ROCK1: variants seen among roughly 807,000 people sequenced by gnomAD.
The protein encoded by ROCK1 is rho-associated protein kinase 1.
A neutral mutation model predicts 196.8 loss-of-function variants in ROCK1; 36 were observed. The observed-to-expected ratio is 0.18, with a 90% confidence interval of 0.14 to 0.24. ROCK1 has a LOEUF of 0.24. ROCK1 is among the 10% of genes least tolerant of loss of function. ROCK1 has a pLI of 1.00. For missense variants in ROCK1, 920 were observed against 1,562.0 expected, an observed-to-expected ratio of 0.59 and a Z score of 6.93; for synonymous variants, 443 against 515.9, an observed-to-expected ratio of 0.86 and a Z score of 1.91.
chr18:21,030,239 C>T (rs927065802), intron 9 of ROCK1, among the ~76,000 whole-genome samples: 1 of 152,110 alleles, frequency 6.6e-6, no homozygotes, highest in Non-Finnish European at 1.5e-5. Flanking sequence ...ATGGTCTTGG[C>T]ATACATTTTA....
chr18:21,054,819 C>T (rs1236152704), intron 2 of ROCK1, among the ~76,000 whole-genome samples: 1 of 152,148 alleles, frequency 6.6e-6, no homozygotes, highest in Non-Finnish European at 1.5e-5. Context: ...TCACTCATTT[C>T]CATGGTCATA....
chr18:21,094,390 G>A (rs1403232745), intron 1 of ROCK1, among the ~76,000 whole-genome samples: 3 of 151,962 alleles, frequency 2.0e-5, no homozygotes, highest in African/African-American at 7.3e-5. Context: ...AATATATAAG[G>A]AGCTCAAACA....
At chr18:21,029,476 C>G (rs1022667206) in intron 9 of ROCK1, among the ~76,000 whole-genome samples, 1 of 152,068 alleles carries the variant, frequency 6.6e-6, no homozygotes, top group Non-Finnish European at 1.5e-5. Flanking sequence ...CCCAATATCT[C>G]CATAAGATTA....
intron 2 of ROCK1, among the ~76,000 whole-genome samples, chr18:21,070,026 A>G (rs2036370328): frequency 6.6e-6 from 1 of 152,014 alleles, no homozygotes; most frequent in Admixed American, 6.6e-5. Context: ...ACCAAAACCA[A>G]TCAAACTTAC....
chr18:20,982,651 G>T, intron 21 of ROCK1, 112 bp downstream of exon 21: 1 of 570,800 alleles, frequency 1.8e-6, no homozygotes, highest in South Asian at 2.4e-5. Context: ...ATGTTTATTA[G>T]AAGATGAAGA....
chr18:21,013,683 A>T (rs191196361), intron 13 of ROCK1, among the ~76,000 whole-genome samples: 62 of 152,196 alleles, frequency 4.1e-4, no homozygotes, highest in African/African-American at 1.5e-3. Flanking sequence ...ACCTTCTCTG[A>T]CACTATTCTA....
At chr18:21,063,787 T>C (rs2036311547) in intron 2 of ROCK1, among the ~76,000 whole-genome samples, 1 of 152,204 alleles carries the variant, frequency 6.6e-6, no homozygotes, top group Non-Finnish European at 1.5e-5. Context: ...AATAGTTGTG[T>C]TGGAAAAAGA....
In ROCK1 at chr18:21,015,601, A is replaced by T. The variant is rs2035855620; in HGVS notation, c.1362-122T>A. ...TTTGTATCCTTTCTTGGTGCCATGG[A>T]TCTCTTTGGCAGTCAAGTGAAGCCT... On this transcript the variant is annotated intron_variant, in intron 12 of 32. Transcript: ENST00000399799. 5.9e-6 allele frequency: 4 copies of T among 681,478 alleles called. No homozygotes were observed. In the East Asian group the frequency reaches 1.1e-4, roughly 19 times the overall value. 42.2% of individuals were successfully genotyped at this position (681,478 alleles called of 1,614,324 possible). A position where few individuals can be genotyped will look rare whatever the true frequency, so the allele number is the denominator to read the frequency against.
chr18:21,042,289 CA>C lies in ROCK1; in HGVS notation c.821-55del, dbSNP rs372153186. On this transcript the variant is annotated intron_variant, in intron 7 of 32. Coordinates refer to ENST00000399799, the MANE Select transcript of ROCK1 (RefSeq NM_005406.3). ...AAAATGAAATACATTTTTAAAAAGT[CA>C]GTTTCAAAGGAAGAGTCAAAGTTAC... 569 of 1,469,808 alleles carry C rather than the reference CA, an allele frequency of 3.9e-4. 3 individuals carry two copies. The African/African-American group carries it at 7.6e-3, about 20-fold the overall frequency. The allele number at this position is 1,469,808 out of a possible 1,614,324, so 91.0% of individuals were successfully genotyped here. A position where few individuals can be genotyped will look rare whatever the true frequency, so the allele number is the denominator to read the frequency against.
rs78474445 is a variant in ROCK1 at position 21,016,819 on chromosome 18, T to C, written c.1362-1340A>G. Among the ~76,000 whole-genome samples the C allele has an allele frequency of 3.2e-3, 492 of 152,280 alleles. 17 individuals are homozygous for C. In the East Asian group the frequency reaches 0.065, roughly 20 times the overall value. ...AGCAAATTTAATATATATTTTTTAC[T>C]TATTAGTTTAATGACTTTTGATGTT... On this transcript the variant is annotated intron_variant, in intron 12 of 32. Coordinates refer to ENST00000399799, the MANE Select transcript of ROCK1 (RefSeq NM_005406.3).
intron 22 of ROCK1, among the ~76,000 whole-genome samples, chr18:20,976,492 T>A (rs1031387646): frequency 1.3e-5 from 2 of 152,198 alleles, no homozygotes; most frequent in Admixed American, 1.3e-4. Flanking sequence ...GCCAGTGTTA[T>A]CATGTGGTAA....
At chr18:21,018,292 G>A (rs1257631050) in intron 12 of ROCK1, among the ~76,000 whole-genome samples, 2 of 152,078 alleles carry the variant, frequency 1.3e-5, no homozygotes, top group Non-Finnish European at 2.9e-5. Context: ...CACTTCGGGA[G>A]GCTGAGGTGG....
chr18:20,968,571 G>A, intron 25 of ROCK1: 1 of 502,894 alleles, frequency 2.0e-6, no homozygotes, highest in South Asian at 2.8e-5. Context: ...CTCCTAAAGT[G>A]TTGGGATTAC....
At chr18:21,068,633 T>C (rs1487879198) in intron 2 of ROCK1, among the ~76,000 whole-genome samples, 2 of 152,208 alleles carry the variant, frequency 1.3e-5, no homozygotes, top group African/African-American at 4.8e-5. Context: ...CTTCCTTAAT[T>C]TCTGTCTACA....
intron 22 of ROCK1, among the ~76,000 whole-genome samples, chr18:20,977,985 C>A (rs1340833110): frequency 2.0e-5 from 3 of 152,070 alleles, no homozygotes; most frequent in Non-Finnish European, 4.4e-5. Context: ...ATGTTTATAC[C>A]CGCTGTGATG....
intron 7 of ROCK1, 74 bp downstream of exon 7, chr18:21,042,491 T>C: frequency 1.4e-6 from 2 of 1,406,688 alleles, no homozygotes; most frequent in Non-Finnish European, 1.9e-6. Context: ...ATAATAAATA[T>C]ATTAGAAAGA....
At chr18:20,984,949 C>CA (rs1397230019) in intron 19 of ROCK1, among the ~76,000 whole-genome samples, 3 of 151,692 alleles carry the variant, frequency 2.0e-5, no homozygotes, top group African/African-American at 4.8e-5. Context: ...CCTGTCTCTA[C>CA]AAAAAAATAC....
chr18:21,099,243 C>T (rs1457198823), intron 1 of ROCK1, among the ~76,000 whole-genome samples: 2 of 151,474 alleles, frequency 1.3e-5, no homozygotes, highest in Admixed American at 6.6e-5. Context: ...CTACTTTTTG[C>T]GTAAGAAAGT....
intron 21 of ROCK1, among the ~76,000 whole-genome samples, chr18:20,980,546 G>A (rs1485600455): frequency 2.0e-5 from 3 of 152,128 alleles, no homozygotes; most frequent in Admixed American, 6.5e-5. Flanking sequence ...TGTTGACTGT[G>A]GTGGTGGTCA....
Sources: gnomAD v4.1 joint callset for allele counts (sites outside exome capture counted in the v4.1 genomes callset) on GRCh38, gnomAD v4.1.1 for gene constraint, MANE v1.5 for transcripts, NCBI Gene and HGNC (gene_info 2026-07-23, HGNC 2026-07-21) for gene names.